The following FREM1 variants were observed in gnomAD, a reference collection of about 807,000 sequenced individuals.
The protein encoded by FREM1 is FRAS1 related extracellular matrix 1.
Under a neutral mutation model 210.1 loss-of-function variants are expected in FREM1, and 220 were observed. The observed-to-expected ratio is 1.05, with a 90% CI of 0.94 to 1.17. The LOEUF (loss-of-function observed/expected upper bound fraction) is 1.17. FREM1 is among the 50% of genes most tolerant of loss of function. The pLI is 0.00. For synonymous variants in FREM1, 1,189 were observed against 980.2 expected (o/e 1.21, Z -3.98); for missense variants, 3,454 against 2,675.5 (o/e 1.29, Z -6.42).
intron 16 of FREM1, among the ~76,000 whole-genome samples, chr9:14,809,757 C>T (rs1819053100): frequency 6.6e-6 from 1 of 152,146 alleles, no homozygotes; most frequent in South Asian, 2.1e-4. Context: ...AAAAGGCACA[C>T]ATTTTGGAAC....
chr9:14,803,819 T>C (rs1271511115), intron 19 of FREM1, among the ~76,000 whole-genome samples: 1 of 152,242 alleles, frequency 6.6e-6, no homozygotes, highest in African/African-American at 2.4e-5. Context: ...CTAGCCCTAC[T>C]TATTAAATAT....
rs375415115 is a variant in FREM1, at chr9:14,824,849, G to A, written c.2025C>T (p.Asp675=). Residue 675 remains aspartate (D), a synonymous_variant, in exon 11 of 37, where the codon GAC becomes GAT. Transcript: ENST00000380880. ...QLHFIDSESY[D]RELVYTITTP... The stretch of plus-strand genomic sequence containing the variant: ...TAGTTATTGTGTAGACCAGCTCCCT[G>A]TCATATGATTCTGAATCTATAAAAT... The A allele has an allele frequency of 6.2e-6, 10 of 1,613,356 alleles. No individual in the cohort carries two copies. The African/African-American group carries it at 1.3e-4, about 22-fold the overall frequency.
chr9:14,847,630 G>A (rs1332822734), intron 7 of FREM1, among the ~76,000 whole-genome samples: 1 of 152,052 alleles, frequency 6.6e-6, no homozygotes, highest in East Asian at 1.9e-4. Context: ...TATCTTCACG[G>A]CGAAATAATA....
At chr9:14,770,078 T>TAAGTTGAC (rs1847251601) in intron 26 of FREM1, among the ~76,000 whole-genome samples, 1 of 152,036 alleles carries the variant, frequency 6.6e-6, no homozygotes, top group African/African-American at 2.4e-5. Context: ...TCAGAAATAT[T>TAAGTTGAC]TGCCTTAAAA....
chr9:14,910,152 T>A lies in FREM1; in HGVS notation c.-506A>T, dbSNP rs942329774. 6.6e-6 allele frequency: 1 copy of A among 152,250 alleles called. No homozygotes were observed. Among genetic ancestry groups the A allele is most frequent in the Non-Finnish European group, 1.5e-5 (1 of 68,060 alleles). The allele number at this position is 152,250 out of a possible 1,614,324, so 9.4% of individuals were successfully genotyped here. A position where few individuals can be genotyped will look rare whatever the true frequency, so the allele number is the denominator to read the frequency against. On this transcript the variant is annotated 5_prime_UTR_variant, in exon 1 of 37. It removes an upstream start codon present in the reference 5' UTR. Coordinates refer to ENST00000380880, the MANE Select transcript of FREM1 (RefSeq NM_001379081.2). Reference sequence around the variant, plus strand: ...AGAAAATACAGAATTGAAGTTCACATACACACTCCACTTTCTTTGCTGGTC... The same window carrying A: ...AGAAAATACAGAATTGAAGTTCACAAACACACTCCACTTTCTTTGCTGGTC...
Position 14,747,690 on chromosome 9 carries a change from G to A in FREM1, c.5835C>T (p.Ile1945=), listed in dbSNP as rs1300449687. 3.9e-6 allele frequency: 6 copies of A among 1,533,276 alleles called. No homozygotes were observed. Among genetic ancestry groups the A allele is most frequent in the Non-Finnish European group, 5.3e-6 (6 of 1,134,854 alleles). 95.0% of individuals were successfully genotyped at this position (1,533,276 alleles called of 1,614,324 possible). The stretch of plus-strand genomic sequence containing the variant: ...CTGTGACTACACTTACATTATAGAT[G>A]ATGTCTGTTCCATTTCTATAAACAG... The part of the protein sequence containing the change: ...PSSVYRNGTD[I]IYNYHGIVSL... The change falls in exon 32 of 37, where the codon ATC becomes ATT. Residue 1945 remains isoleucine, a synonymous_variant. Transcript: ENST00000380880.
At position 14,808,052 on chromosome 9, in the gene FREM1, G is replaced by A. The variant is rs1454229614; in HGVS notation, c.2976C>T (p.Gly992=). ...ATGGATTGGGTCCATTGTAGCAACA[G>A]CCATTCACAAAAGGGCCAGCCTCTC... ...SDGEAGPFVN[G]CCYNGPNPSV... is the part of the protein sequence containing the mutation. Residue 992 remains glycine, a synonymous_variant, in exon 17 of 37, where the codon GGC becomes GGT. Transcript: ENST00000380880. The A allele has an allele frequency of 1.2e-6, 2 of 1,613,588 alleles. No homozygotes were observed. Among genetic ancestry groups the A allele is most frequent in the South Asian group, 1.1e-5 (1 of 91,018 alleles).
chr9:14,856,632 G>C (rs1350463743), intron 5 of FREM1, among the ~76,000 whole-genome samples: 1 of 152,066 alleles, frequency 6.6e-6, no homozygotes, highest in Non-Finnish European at 1.5e-5. Flanking sequence ...AGGAGATTGA[G>C]ACCATCCTGG....
chr9:14,812,774 G>C, intron 16 of FREM1, 38 bp downstream of exon 16: 1 of 1,566,578 alleles, frequency 6.4e-7, no homozygotes, highest in African/African-American at 1.3e-5. Context: ...CTCTCATGTT[G>C]CTTGCATTCC....
intron 1 of FREM1, among the ~76,000 whole-genome samples, chr9:14,898,419 G>A (rs1025545255): frequency 6.6e-6 from 1 of 152,146 alleles, no homozygotes; most frequent in African/African-American, 2.4e-5. Context: ...CTGTGATGGT[G>A]GATATATGTC....
chr9:14,825,286 G>C (rs1019805349), intron 10 of FREM1, among the ~76,000 whole-genome samples: 6 of 151,624 alleles, frequency 4.0e-5, no homozygotes, highest in Non-Finnish European at 8.8e-5. Flanking sequence ...TCAGGAGTTC[G>C]AGAACAGCCT....
chr9:14,769,001 T>C (rs899809722), intron 27 of FREM1, among the ~76,000 whole-genome samples: 22 of 152,088 alleles, frequency 1.4e-4, no homozygotes, highest in Non-Finnish European at 2.5e-4. Context: ...CCAGAATAAC[T>C]GGACTCTGAC....
intron 15 of FREM1, among the ~76,000 whole-genome samples, chr9:14,815,778 G>C (rs2133640356): frequency 6.6e-6 from 1 of 152,276 alleles, no homozygotes; most frequent in Middle Eastern, 3.4e-3. Flanking sequence ...CTCCCAAGTA[G>C]CTGGGACTAC....
intron 17 of FREM1, among the ~76,000 whole-genome samples, 184 bp downstream of exon 17, chr9:14,807,756 T>G (rs941199937): frequency 6.6e-6 from 1 of 152,140 alleles, no homozygotes; most frequent in South Asian, 2.1e-4. Context: ...ACATGTAAAT[T>G]CTTTTGCCCC....
In FREM1 at chr9:14,846,087, C is replaced by T. The variant is rs1421843445; in HGVS notation, c.1266G>A (p.Leu422=). ...NAPRVSWNTG[L]SLLEGQSRAI... The stretch of plus-strand genomic sequence containing the variant: ...CTCGAGACTGCCCCTCAAGGAGACT[C>T]AGACCTATGAAAGAAAGGAGAAAAG... Residue 422 remains leucine, a synonymous_variant, in exon 8 of 37, where the codon CTG becomes CTA. Transcript: ENST00000380880. 1 of 1,570,618 alleles carries T rather than the reference C, an allele frequency of 6.4e-7. No homozygotes were observed.
intron 20 of FREM1, among the ~76,000 whole-genome samples, chr9:14,798,643 T>C (rs111673370): frequency 9.9e-5 from 15 of 152,164 alleles, no homozygotes; most frequent in African/African-American, 3.1e-4. Flanking sequence ...ATGATGATTT[T>C]ATAAGGTAAT....
chr9:14,884,090 G>A (rs1443939594), intron 1 of FREM1, among the ~76,000 whole-genome samples: 1 of 152,140 alleles, frequency 6.6e-6, no homozygotes, highest in African/African-American at 2.4e-5. Context: ...TCAGCCGGGC[G>A]TGGTGGTGGG....
At chr9:14,777,722 T>C (rs1043303002) in intron 24 of FREM1, among the ~76,000 whole-genome samples, 3 of 152,202 alleles carry the variant, frequency 2.0e-5, no homozygotes, top group Non-Finnish European at 4.4e-5. Flanking sequence ...TAACAATCCC[T>C]TTATTCTTTG....
At position 14,740,236 on chromosome 9, in the gene FREM1, T is replaced by A. The variant is rs765858709; in HGVS notation, c.6255-2A>T. The A allele has an allele frequency of 1.9e-6, 3 of 1,607,918 alleles. No individual in the cohort carries two copies. The highest frequency in any genetic ancestry group is 2.6e-6 in the Non-Finnish European group (3 of 1,174,754). On this transcript the variant is annotated splice_acceptor_variant, in intron 35 of 36. Coordinates refer to ENST00000380880, the MANE Select transcript of FREM1 (RefSeq NM_001379081.2). LOFTEE classifies it high-confidence loss of function. ...ACAGTTACAAGGTTGCCCAGGTATC[T>A]AAATGCAAATGAAAATGAGAGTATC... is the stretch of plus-strand genomic sequence containing the variant.
Sources: gnomAD v4.1 joint callset for allele counts (sites outside exome capture counted in the v4.1 genomes callset) on GRCh38, gnomAD v4.1.1 for gene constraint, MANE v1.5 for transcripts, NCBI Gene and HGNC (gene_info 2026-07-23, HGNC 2026-07-21) for gene names.